NPAS3: variants seen among roughly 807,000 people sequenced by gnomAD.
NPAS3 encodes the protein neuronal PAS domain protein 3.
In NPAS3, 14 loss-of-function variants were observed where a neutral mutation model predicts 73.1. The ratio of observed to expected loss-of-function variants is 0.19; its 90% CI spans 0.13 to 0.30. NPAS3 has a LOEUF of 0.30. Ranked by LOEUF, NPAS3 falls within the 10% of genes least tolerant of loss-of-function variation. The pLI, the probability that NPAS3 is intolerant of heterozygous loss-of-function variation, is 1.00. For synonymous variants in NPAS3, 620 were observed against 541.5 expected, an observed-to-expected ratio of 1.14 and a Z score of -2.01; for missense variants, 1,096 against 1,250.0, an observed-to-expected ratio of 0.88 and a Z score of 1.86.
chr14:33,652,912 T>G (rs1595367306), intron 5 of NPAS3, among the ~76,000 whole-genome samples: 1 of 152,222 alleles, frequency 6.6e-6, no homozygotes, highest in Admixed American at 6.5e-5. Context: ...CCCGTGACCT[T>G]GGACAGCAAT....
intron 2 of NPAS3, among the ~76,000 whole-genome samples, chr14:33,127,721 C>A (rs1169146910): frequency 6.6e-6 from 1 of 152,098 alleles, no homozygotes; most frequent in African/African-American, 2.4e-5. Context: ...GTTTCTAGTT[C>A]TTTACTCTTT....
chr14:33,485,793 C>T (rs2051559180), intron 4 of NPAS3, among the ~76,000 whole-genome samples: 1 of 152,024 alleles, frequency 6.6e-6, no homozygotes, highest in Non-Finnish European at 1.5e-5. Context: ...TTCTTCTCTC[C>T]CCACGTTAGA....
chr14:32,939,226 CACGCACACGCA>C, upstream of NPAS3: 1 of 514,118 alleles, frequency 1.9e-6, no homozygotes, highest in Non-Finnish European at 3.6e-6. Context: ...CCCGCCACCC[CACGCACACGCA>C]CACCCCCGCC....
At chr14:33,792,922 C>T (rs1423864862) in intron 9 of NPAS3, among the ~76,000 whole-genome samples, 1 of 152,222 alleles carries the variant, frequency 6.6e-6, no homozygotes, top group African/African-American at 2.4e-5. Flanking sequence ...GATCCGCAGC[C>T]AAGTAATAAC....
chr14:33,079,421 C>T (rs922511429), intron 2 of NPAS3, among the ~76,000 whole-genome samples: 7 of 149,784 alleles, frequency 4.7e-5, no homozygotes, highest in Admixed American at 1.3e-4. Context: ...CGAGTTCAAG[C>T]GATTCTCCTG....
At chr14:33,437,104 T>C (rs987315813) in intron 4 of NPAS3, among the ~76,000 whole-genome samples, 5 of 152,220 alleles carry the variant, frequency 3.3e-5, no homozygotes, top group Non-Finnish European at 5.9e-5. Flanking sequence ...CTGCAGTCCA[T>C]GACATGCACG....
At chr14:33,111,019 C>A (rs2042873941) in intron 2 of NPAS3, among the ~76,000 whole-genome samples, 1 of 152,156 alleles carries the variant, frequency 6.6e-6, no homozygotes, top group African/African-American at 2.4e-5. Flanking sequence ...AACCTCAGAC[C>A]TCTGAAGAGC....
At chr14:33,572,782 T>A (rs1320177339) in intron 5 of NPAS3, among the ~76,000 whole-genome samples, 1 of 152,160 alleles carries the variant, frequency 6.6e-6, no homozygotes, top group Admixed American at 6.5e-5. Flanking sequence ...CCCTGCACTT[T>A]GGGAGGCCGA....
At chr14:33,506,619 G>T (rs2052776540) in intron 4 of NPAS3, among the ~76,000 whole-genome samples, 1 of 152,014 alleles carries the variant, frequency 6.6e-6, no homozygotes, top group South Asian at 2.1e-4. Context: ...GTATTGATAT[G>T]ATTATAAGAG....
At chr14:33,247,174 A>G (rs575790187) in intron 3 of NPAS3, among the ~76,000 whole-genome samples, 96 of 152,296 alleles carry the variant, frequency 6.3e-4, no homozygotes, top group African/African-American at 1.7e-3. Context: ...ATCTTAGAAT[A>G]TACATTCTAA....
chr14:33,208,105 G>T (rs1594396613), intron 2 of NPAS3, among the ~76,000 whole-genome samples: 1 of 150,436 alleles, frequency 6.6e-6, no homozygotes, highest in South Asian at 2.1e-4. Context: ...TAAAACTGCA[G>T]TTTTTTTTTT....
At chr14:33,387,784 A>T (rs1369392209) in intron 4 of NPAS3, among the ~76,000 whole-genome samples, 1 of 152,212 alleles carries the variant, frequency 6.6e-6, no homozygotes, top group Non-Finnish European at 1.5e-5. Flanking sequence ...CTAATTCATC[A>T]AATATTGATT....
chr14:33,571,658 G>C (rs1304666333), intron 5 of NPAS3, among the ~76,000 whole-genome samples: 1 of 152,214 alleles, frequency 6.6e-6, no homozygotes, highest in Admixed American at 6.5e-5. Context: ...AGGCTGCTTA[G>C]ATGGCGTCCC....
At chr14:33,165,968 TG>T (rs559216857) in intron 2 of NPAS3, among the ~76,000 whole-genome samples, 86 of 152,334 alleles carry the variant, frequency 5.6e-4, no homozygotes, top group African/African-American at 2.0e-3. Context: ...AGAATTGTCC[TG>T]CCTTCTTTAG....
chr14:33,209,299 T>A (rs946414177), intron 2 of NPAS3, among the ~76,000 whole-genome samples: 2 of 152,156 alleles, frequency 1.3e-5, no homozygotes, highest in Non-Finnish European at 2.9e-5. Context: ...TTGGAAGAAT[T>A]TTTTTCCTTT....
intron 3 of NPAS3, among the ~76,000 whole-genome samples, chr14:33,271,780 A>G (rs1300924624): frequency 1.3e-5 from 2 of 152,098 alleles, no homozygotes; most frequent in Admixed American, 1.3e-4. Context: ...ATGTACTGTA[A>G]TATATCCATT....
At chr14:33,363,377 A>G (rs1346101713) in intron 3 of NPAS3, among the ~76,000 whole-genome samples, 1 of 152,208 alleles carries the variant, frequency 6.6e-6, no homozygotes, top group African/African-American at 2.4e-5. Context: ...CTTCAGATAC[A>G]TGTTTTAGAC....
intron 5 of NPAS3, among the ~76,000 whole-genome samples, chr14:33,648,964 T>A (rs1256287822): frequency 6.6e-6 from 1 of 152,186 alleles, no homozygotes; most frequent in Admixed American, 6.5e-5. Flanking sequence ...GCCTTGCAGT[T>A]TTCCTCTGTT....
chr14:32,940,827 C>A (rs946538922), intron 1 of NPAS3, among the ~76,000 whole-genome samples: 1 of 152,132 alleles, frequency 6.6e-6, no homozygotes, highest in African/African-American at 2.4e-5. Flanking sequence ...AGGGAAGGCA[C>A]AATTGTCAGG....
Sources: gnomAD v4.1 joint callset for allele counts (sites outside exome capture counted in the v4.1 genomes callset) on GRCh38, gnomAD v4.1.1 for gene constraint, MANE v1.5 for transcripts, NCBI Gene and HGNC (gene_info 2026-07-23, HGNC 2026-07-21) for gene names.